The following DLGAP2 variants were observed in gnomAD, a reference collection of about 807,000 sequenced individuals.
The protein encoded by DLGAP2 is disks large-associated protein 2.
In DLGAP2, 26 loss-of-function variants were observed where a neutral mutation model predicts 100.3. The observed-to-expected ratio is 0.26, with a 90% CI of 0.19 to 0.36. The LOEUF (loss-of-function observed/expected upper bound fraction) is 0.36. DLGAP2 is among the 10% of genes least tolerant of loss of function. The probability of loss-of-function intolerance (pLI) is 1.00; values close to 1 mark genes in which losing one functional copy is unlikely to be tolerated. For missense variants in DLGAP2, 1,858 were observed against 1,453.2 expected (o/e 1.28, Z -4.53); for synonymous variants, 886 against 630.1 (o/e 1.41, Z -6.08).
At chr8:1,676,784 A>G (rs940910705) in intron 11 of DLGAP2, among the ~76,000 whole-genome samples, 166 bp downstream of exon 11, 1 of 152,110 alleles carries the variant, frequency 6.6e-6, no homozygotes, top group African/African-American at 2.4e-5. Context: ...ATGAATTAAC[A>G]CCCGCCTATG....
chr8:1,636,751 G>C (rs890671358), intron 8 of DLGAP2, among the ~76,000 whole-genome samples: 43 of 152,186 alleles, frequency 2.8e-4, no homozygotes, highest in African/African-American at 1.0e-3. Context: ...TGGTACCGTC[G>C]AGTTACTGTG....
At chr8:1,687,275 T>C (rs1436263826) in intron 12 of DLGAP2, among the ~76,000 whole-genome samples, 1 of 152,204 alleles carries the variant, frequency 6.6e-6, no homozygotes, top group Non-Finnish European at 1.5e-5. Flanking sequence ...ATTGGAATTA[T>C]AGAAAAAATA....
intron 6 of DLGAP2, among the ~76,000 whole-genome samples, chr8:1,623,425 T>G (rs1337475670): frequency 6.6e-6 from 1 of 151,954 alleles, no homozygotes; most frequent in African/African-American, 2.4e-5. Flanking sequence ...CAGTGCTTGA[T>G]GACCTGACAC....
At chr8:1,064,155 A>C (rs979890351) in intron 2 of DLGAP2, among the ~76,000 whole-genome samples, 1 of 152,144 alleles carries the variant, frequency 6.6e-6, no homozygotes. Context: ...GTGTGGGACT[A>C]TTTTACTAAG....
chr8:1,161,382 T>C (rs1796885760), intron 2 of DLGAP2, among the ~76,000 whole-genome samples: 1 of 152,156 alleles, frequency 6.6e-6, no homozygotes, highest in Non-Finnish European at 1.5e-5. Flanking sequence ...TTCACTGAGC[T>C]TCTCAACTTC....
At chr8:929,070 G>A (rs1432223875) in intron 2 of DLGAP2, among the ~76,000 whole-genome samples, 7 of 6,864 alleles carry the variant, frequency 1.0e-3, no homozygotes, top group Admixed American at 2.5e-3. Flanking sequence ...CAGAACCCCC[G>A]GCCATTCCCC....
At chr8:1,486,168 A>G (rs1160693324) in intron 3 of DLGAP2, among the ~76,000 whole-genome samples, 1 of 152,240 alleles carries the variant, frequency 6.6e-6, no homozygotes, top group Non-Finnish European at 1.5e-5. Context: ...CACAAACAGC[A>G]TGATGACCAT....
At chr8:848,761 G>A (rs1266113547) in intron 1 of DLGAP2, among the ~76,000 whole-genome samples, 6 of 145,720 alleles carry the variant, frequency 4.1e-5, no homozygotes, top group Non-Finnish European at 6.0e-5. Flanking sequence ...AGGGTCGTGC[G>A]GTGCGTGTTC....
chr8:1,554,764 G>A (rs983015342), intron 5 of DLGAP2, among the ~76,000 whole-genome samples: 3 of 151,352 alleles, frequency 2.0e-5, no homozygotes, highest in Non-Finnish European at 4.4e-5. Flanking sequence ...GGACCCACGC[G>A]CCCCAGCCCC....
intron 3 of DLGAP2, among the ~76,000 whole-genome samples, chr8:1,358,220 T>C (rs998520465): frequency 3.9e-5 from 6 of 152,202 alleles, no homozygotes; most frequent in African/African-American, 1.2e-4. Context: ...GAGAAGGGGC[T>C]GCGAAAGGTT....
chr8:1,220,420 A>G (rs998244447), intron 2 of DLGAP2, among the ~76,000 whole-genome samples: 6 of 152,258 alleles, frequency 3.9e-5, no homozygotes, highest in East Asian at 1.9e-4. Flanking sequence ...ATTTTGAGCA[A>G]TGTTCTTGGT....
chr8:1,008,757 C>T (rs1334254676), intron 2 of DLGAP2, among the ~76,000 whole-genome samples: 2 of 152,192 alleles, frequency 1.3e-5, no homozygotes, highest in Non-Finnish European at 2.9e-5. Context: ...CACTGAGGGT[C>T]CGTCAGGGAG....
chr8:1,675,085 C>T lies in DLGAP2; in HGVS notation c.2203-1448C>T, dbSNP rs112662320. 4.6e-5 allele frequency among the ~76,000 whole-genome samples: 7 copies of T among 152,334 alleles called. 1 individual carries two copies. Among genetic ancestry groups the T allele is most frequent in the African/African-American group, 1.4e-4 (6 of 41,578 alleles). ...CCCGTCTCACCCAGCTATCAGAACA[C>T]GCATCCCAGTCTAGGGTCAGCTTCT... On this transcript the variant is annotated intron_variant, in intron 10 of 14. Transcript: ENST00000637795.
chr8:1,073,583 A>G (rs953698947), intron 2 of DLGAP2, among the ~76,000 whole-genome samples: 1 of 152,212 alleles, frequency 6.6e-6, no homozygotes, highest in Non-Finnish European at 1.5e-5. Flanking sequence ...TCTTAGAAGC[A>G]CTGTGTCATA....
intron 1 of DLGAP2, chr8:739,693 G>A (rs751350406): frequency 9.2e-5 from 14 of 152,348 alleles, no homozygotes; most frequent in Non-Finnish European, 1.9e-4. Flanking sequence ...TCTTGTGCCG[G>A]CAGCTGGGTG....
At position 932,488 on chromosome 8, in the gene DLGAP2, A is replaced by G. The variant is rs117813653; in HGVS notation, c.73+24522A>G. ...GCTGAGTTTTGTTTTTTCATTTCCT[A>G]TAAAACACAAGAGTGGAACAATTGG... On this transcript the variant is annotated intron_variant, in intron 2 of 14. Transcript: ENST00000637795. Among the ~76,000 whole-genome samples the G allele has an allele frequency of 3.6e-3, 543 of 152,360 alleles. 2 individuals carry two copies. The highest frequency in any genetic ancestry group is 6.8e-3 in the Middle Eastern group (2 of 294).
chr8:936,207 G>A (rs528645684), intron 2 of DLGAP2, among the ~76,000 whole-genome samples: 7 of 152,250 alleles, frequency 4.6e-5, no homozygotes, highest in South Asian at 4.2e-4. Context: ...TGTGTGGCCC[G>A]GTCAGCAGAG....
intron 1 of DLGAP2, among the ~76,000 whole-genome samples, chr8:778,501 T>C (rs186610352): frequency 1.3e-5 from 2 of 152,370 alleles, no homozygotes; most frequent in African/African-American, 4.8e-5. Flanking sequence ...TCTTTGATGA[T>C]GGTGATATAC....
At chr8:1,332,115 G>C (rs1243158156) in intron 3 of DLGAP2, among the ~76,000 whole-genome samples, 2 of 152,208 alleles carry the variant, frequency 1.3e-5, no homozygotes, top group African/African-American at 4.8e-5. Context: ...ACCTTCCTTT[G>C]CTGCAGTCAA....
Sources: allele counts gnomAD v4.1 joint callset (sites outside exome capture counted in the v4.1 genomes callset), GRCh38; gene constraint gnomAD v4.1.1; transcripts MANE v1.5; gene names NCBI Gene and HGNC (gene_info 2026-07-23, HGNC 2026-07-21).